ITPK1: variants seen among roughly 807,000 people sequenced by gnomAD.
ITPK1 encodes inositol-tetrakisphosphate 1-kinase.
ITPK1 carries 21 observed loss-of-function variants against 45.3 expected under a neutral mutation model. That is an observed-to-expected ratio of 0.46 (90% CI 0.33 to 0.67). The LOEUF (loss-of-function observed/expected upper bound fraction) is 0.67, where lower values mean the gene tolerates loss of function less well. Among genes scored for constraint, ITPK1 ranks in the 30% least tolerant of loss-of-function variants. The pLI is 0.02. For synonymous variants in ITPK1, 258 were observed against 253.6 expected, an observed-to-expected ratio of 1.02 and a Z score of -0.16; for missense variants, 474 against 573.5, an observed-to-expected ratio of 0.83 and a Z score of 1.77.
intron 2 of ITPK1, among the ~76,000 whole-genome samples, chr14:93,095,845 AC>A (rs140879520): frequency 0.014 from 2,124 of 152,120 alleles, 50 homozygotes; most frequent in African/African-American, 0.049. Context: ...AGAACATGAA[AC>A]ATTTGGTTTT....
chr14:92,948,065 C>CA (rs1319018822), intron 9 of ITPK1, among the ~76,000 whole-genome samples: 2 of 152,162 alleles, frequency 1.3e-5, no homozygotes, highest in African/African-American at 4.8e-5. Flanking sequence ...CTGAATACAT[C>CA]ATGCTGAGTG....
At chr14:93,058,235 G>A (rs1376748940) in intron 3 of ITPK1, among the ~76,000 whole-genome samples, 1 of 151,350 alleles carries the variant, frequency 6.6e-6, no homozygotes, top group Non-Finnish European at 1.5e-5. Context: ...TGGCCACAGG[G>A]GCATCTGGGA....
At chr14:93,093,101 C>G (rs1891929690) in intron 2 of ITPK1, among the ~76,000 whole-genome samples, 1 of 152,202 alleles carries the variant, frequency 6.6e-6, no homozygotes, top group Admixed American at 6.5e-5. Context: ...ACTCAACAAG[C>G]AGGATGCCGT....
intron 3 of ITPK1, among the ~76,000 whole-genome samples, chr14:93,050,526 G>A (rs561396070): frequency 8.5e-5 from 13 of 152,288 alleles, no homozygotes; most frequent in Admixed American, 3.3e-4. Flanking sequence ...CCCAGGGATC[G>A]CAGGTGGCCG....
chr14:93,052,383 C>A (rs557792610), intron 3 of ITPK1, among the ~76,000 whole-genome samples: 1 of 152,120 alleles, frequency 6.6e-6, no homozygotes, highest in Admixed American at 6.5e-5. Context: ...TTACAACAGA[C>A]GCCAGGCATC....
In ITPK1 at chr14:93,014,011, G is replaced by A. The variant is rs919629810; in HGVS notation, c.246+2665C>T. Among the ~76,000 whole-genome samples, 1 of 152,156 alleles carries A rather than the reference G, an allele frequency of 6.6e-6. No homozygotes were observed. The highest frequency in any genetic ancestry group is 1.9e-4 in the East Asian group (1 of 5,188). On this transcript the variant is annotated intron_variant, in intron 4 of 10. Transcript: ENST00000267615. This position sits in a 1 kb window ranked among gnomAD's most constrained non-coding sequence, Gnocchi z 4.4. Reference sequence around the variant, plus strand: ...CTGCCTCCTCTCTCCTGGGGCCTCTGGAAAGTGCAGCCCCGCACCCTTTTC... The same window carrying A: ...CTGCCTCCTCTCTCCTGGGGCCTCTAGAAAGTGCAGCCCCGCACCCTTTTC...
chr14:93,100,610 G>A (rs1287743565), intron 2 of ITPK1, among the ~76,000 whole-genome samples: 1 of 151,884 alleles, frequency 6.6e-6, no homozygotes, highest in Non-Finnish European at 1.5e-5. Flanking sequence ...TTGGACTGTC[G>A]CCTGAGTCTA....
chr14:93,000,082 GTTC>G, intron 4 of ITPK1, among the ~76,000 whole-genome samples: 1 of 152,286 alleles, frequency 6.6e-6, no homozygotes, highest in East Asian at 1.9e-4. Context: ...GCAGTGCTTT[GTTC>G]TTCTTTAAGA....
intron 3 of ITPK1, among the ~76,000 whole-genome samples, chr14:93,029,657 C>T (rs1364286330): frequency 6.6e-6 from 1 of 152,126 alleles, no homozygotes; most frequent in Non-Finnish European, 1.5e-5. Flanking sequence ...ACAGCTCTGA[C>T]AACAAGCACA....
In ITPK1 at chr14:93,016,601, A is replaced by G; in HGVS notation, c.246+75T>C. 58 of 1,538,144 alleles carry G rather than the reference A, an allele frequency of 3.8e-5. No homozygotes were observed. The highest frequency in any genetic ancestry group is 5.0e-5 in the Non-Finnish European group (56 of 1,121,592). Reference sequence around the variant, plus strand: ...AGAGAGCTGCTACCGCCCTAAATACACACACGGCCATTCCAGGGCCTCCCC... The same window carrying G: ...AGAGAGCTGCTACCGCCCTAAATACGCACACGGCCATTCCAGGGCCTCCCC... On this transcript the variant is annotated intron_variant, in intron 4 of 10. Transcript: ENST00000267615. This position sits in a 1 kb window ranked among gnomAD's most constrained non-coding sequence, Gnocchi z 5.0.
At chr14:92,996,026 C>G (rs1028168548) in intron 4 of ITPK1, among the ~76,000 whole-genome samples, 1 of 152,182 alleles carries the variant, frequency 6.6e-6, no homozygotes, top group Non-Finnish European at 1.5e-5. Context: ...TCCAAGAGAG[C>G]AGGTCATGCA....
intron 5 of ITPK1, among the ~76,000 whole-genome samples, chr14:92,978,170 C>A (rs114431702): frequency 0.02 from 3,063 of 151,990 alleles, 176 homozygotes; most frequent in African/African-American, 0.07. Context: ...CATATTGTGT[C>A]CCTGCTCTAG....
At chr14:93,003,617 G>C (rs1887462006) in intron 4 of ITPK1, among the ~76,000 whole-genome samples, 1 of 152,200 alleles carries the variant, frequency 6.6e-6, no homozygotes, top group Admixed American at 6.5e-5. Context: ...GCTGGGACAG[G>C]ACCACCAAGC....
intron 10 of ITPK1, among the ~76,000 whole-genome samples, chr14:92,942,724 G>A (rs1349905083): frequency 6.6e-6 from 1 of 152,230 alleles, no homozygotes; most frequent in Non-Finnish European, 1.5e-5. Context: ...TAACACAGTT[G>A]CGAACATCAG....
intron 4 of ITPK1, among the ~76,000 whole-genome samples, chr14:93,004,714 G>C (rs375622326): frequency 6.6e-6 from 1 of 152,010 alleles, no homozygotes; most frequent in Non-Finnish European, 1.5e-5. Context: ...CCTAAGTGGC[G>C]GCCATGTGGC....
At chr14:93,088,892 C>A (rs949927341) in intron 2 of ITPK1, among the ~76,000 whole-genome samples, 3 of 152,134 alleles carry the variant, frequency 2.0e-5, no homozygotes, top group Non-Finnish European at 4.4e-5. Context: ...CTAAACCCAT[C>A]CAAATACCAG....
chr14:93,044,720 G>A (rs1023379137), intron 3 of ITPK1, among the ~76,000 whole-genome samples: 1 of 152,254 alleles, frequency 6.6e-6, no homozygotes, highest in Admixed American at 6.5e-5. Flanking sequence ...CAACACGGCA[G>A]AGAGGGAAGA....
chr14:93,022,362 G>A (rs1300050010), intron 3 of ITPK1, among the ~76,000 whole-genome samples: 1 of 152,162 alleles, frequency 6.6e-6, no homozygotes, highest in Non-Finnish European at 1.5e-5. Context: ...TGCTGGGCAT[G>A]CCACCACAAA....
At chr14:92,971,068 C>T (rs1415918165) in intron 5 of ITPK1, among the ~76,000 whole-genome samples, 1 of 152,162 alleles carries the variant, frequency 6.6e-6, no homozygotes, top group Non-Finnish European at 1.5e-5. Context: ...AAGACTCCTG[C>T]TTATCCTCCA....
Sources: gnomAD v4.1 joint callset for allele counts (sites outside exome capture counted in the v4.1 genomes callset) on GRCh38, gnomAD v4.1.1 for gene constraint, Gnocchi (gnomAD v3.1) non-coding constraint, MANE v1.5 for transcripts, NCBI Gene and HGNC (gene_info 2026-07-23, HGNC 2026-07-21) for gene names.